The following GNG7 variants were observed in gnomAD, a reference collection of about 807,000 sequenced individuals.
GNG7 encodes the protein G protein subunit gamma 7.
GNG7 carries 1 observed loss-of-function variant against 4.0 expected under a neutral mutation model. That is an observed-to-expected ratio of 0.25 (90% CI 0.09 to 1.18). The LOEUF (loss-of-function observed/expected upper bound fraction) is 1.18, where lower values mean the gene tolerates loss of function less well. Among genes scored for constraint, GNG7 ranks in the 50% most tolerant of loss-of-function variants. The pLI, the probability that GNG7 is intolerant of heterozygous loss-of-function variation, is 0.50. For missense variants in GNG7, 86 were observed against 91.9 expected, an observed-to-expected ratio of 0.94 and a Z score of 0.26; for synonymous variants, 34 against 36.9, an observed-to-expected ratio of 0.92 and a Z score of 0.29.
intron 2 of GNG7, among the ~76,000 whole-genome samples, chr19:2,631,787 C>T (rs1982166129): frequency 6.6e-6 from 1 of 152,190 alleles, no homozygotes; most frequent in Non-Finnish European, 1.5e-5. Flanking sequence ...TTTATAAAAA[C>T]AGGAACTAGA....
At chr19:2,601,152 A>C (rs1481904338) in intron 2 of GNG7, among the ~76,000 whole-genome samples, 1 of 152,054 alleles carries the variant, frequency 6.6e-6, no homozygotes, top group African/African-American at 2.4e-5. Context: ...ATCTCCAAAA[A>C]CAAATTATTA....
intron 2 of GNG7, among the ~76,000 whole-genome samples, chr19:2,603,440 T>C (rs1981276705): frequency 6.6e-6 from 1 of 152,204 alleles, no homozygotes; most frequent in Admixed American, 6.5e-5. Flanking sequence ...CCCCGGAGCT[T>C]CTCGCATCGG....
chr19:2,673,860 G>C (rs1599455551), intron 1 of GNG7, among the ~76,000 whole-genome samples: 1 of 152,058 alleles, frequency 6.6e-6, no homozygotes, highest in African/African-American at 2.4e-5. Flanking sequence ...ACATACAATT[G>C]TGTATATTTC....
rs118101597 is a variant in GNG7 at position 2,654,589 on chromosome 19, G to C, written c.-134-8309C>G. Among the ~76,000 whole-genome samples the C allele has an allele frequency of 1.5e-3, 230 of 152,296 alleles. 3 individuals are homozygous for C. The East Asian group carries it at 0.038, about 25-fold the overall frequency. On this transcript the variant is annotated intron_variant, in intron 1 of 4. Transcript: ENST00000382159. ...ACTGTGTCCCATGATCCTCCCCCTT[G>C]CTGAGGTCCCAGGAGGCTGCACACA...
chr19:2,624,177 C>A (rs1230002014), intron 2 of GNG7, among the ~76,000 whole-genome samples: 2 of 152,000 alleles, frequency 1.3e-5, no homozygotes, highest in Non-Finnish European at 2.9e-5. Flanking sequence ...CTGAACTGAG[C>A]CCTTAGAAAT....
At chr19:2,604,118 A>G (rs1034670744) in intron 2 of GNG7, among the ~76,000 whole-genome samples, 2 of 151,664 alleles carry the variant, frequency 1.3e-5, no homozygotes, top group African/African-American at 2.4e-5. Flanking sequence ...CCAAAGTGCT[A>G]GGATTACAGG....
intron 3 of GNG7, among the ~76,000 whole-genome samples, chr19:2,526,220 T>A (rs1978390607): frequency 6.6e-6 from 1 of 151,746 alleles, no homozygotes; most frequent in African/African-American, 2.4e-5. Flanking sequence ...TCCGCCTGCC[T>A]CGGCCTCCCA....
At chr19:2,586,984 CAAAAA>C (rs756891397) in intron 2 of GNG7, among the ~76,000 whole-genome samples, 4 of 48,724 alleles carry the variant, frequency 8.2e-5, no homozygotes, top group Non-Finnish European at 7.9e-5. Context: ...GACTCCATCT[CAAAAA>C]AAAAAAAAAA....
intron 2 of GNG7, among the ~76,000 whole-genome samples, chr19:2,581,106 C>T (rs1599403645): frequency 6.6e-6 from 1 of 152,180 alleles, no homozygotes; most frequent in Admixed American, 6.5e-5. Flanking sequence ...CTTCTTCCCT[C>T]GTCTTCCCCT....
intron 2 of GNG7, among the ~76,000 whole-genome samples, chr19:2,592,173 G>C (rs1451370776): frequency 6.6e-6 from 1 of 152,124 alleles, no homozygotes; most frequent in East Asian, 1.9e-4. Flanking sequence ...AAGAAAAACT[G>C]TAAAGATCAG....
chr19:2,656,379 G>A (rs993100829), intron 1 of GNG7, among the ~76,000 whole-genome samples: 6 of 152,120 alleles, frequency 3.9e-5, no homozygotes, highest in African/African-American at 9.7e-5. Flanking sequence ...CAAGGCAGGC[G>A]GATCACAAGG....
intron 2 of GNG7, among the ~76,000 whole-genome samples, chr19:2,603,317 G>A (rs887495800): frequency 4.6e-5 from 7 of 152,294 alleles, no homozygotes; most frequent in Non-Finnish European, 7.4e-5. Flanking sequence ...CACCCGCCTC[G>A]GCCTCCCAAA....
rs1979298705 is a variant in GNG7 at position 2,550,963 on chromosome 19, A to C, written c.-38+4186T>G. On this transcript the variant is annotated intron_variant, in intron 3 of 4. Transcript: ENST00000382159. ...CAGGGGACTTAGCCAGGGCCCGACGAGAGCTGCCTGATGTCATTGCTGGAG... is the reference window on the plus strand; with the variant it reads ...CAGGGGACTTAGCCAGGGCCCGACGCGAGCTGCCTGATGTCATTGCTGGAG... Among the ~76,000 whole-genome samples the C allele has an allele frequency of 1.3e-5, 2 of 152,202 alleles. 1 individual carries two copies. Among genetic ancestry groups the C allele is most frequent in the South Asian group, 4.1e-4 (2 of 4,836 alleles).
intron 2 of GNG7, among the ~76,000 whole-genome samples, chr19:2,613,795 A>T (rs2144825256): frequency 6.6e-6 from 1 of 151,938 alleles, no homozygotes; most frequent in Non-Finnish European, 1.5e-5. Context: ...CAGACCCCAG[A>T]GGATCTAGCC....
At chr19:2,657,345 AAAAAAAAAAAAAAAAAATATATATATAT>A (rs1362515283) in intron 1 of GNG7, among the ~76,000 whole-genome samples, 9 of 18,234 alleles carry the variant, frequency 4.9e-4, no homozygotes, top group South Asian at 2.7e-3. Context: ...ATTAAAAAAA[AAAAAAAAAAAAAAAAAATATATATATAT>A]ATATATATAT....
intron 2 of GNG7, among the ~76,000 whole-genome samples, chr19:2,613,426 G>A (rs1056372265): frequency 8.5e-5 from 13 of 152,098 alleles, no homozygotes; most frequent in African/African-American, 2.4e-4. Flanking sequence ...ATCTGTCCCC[G>A]CTCCTGCTCA....
intron 1 of GNG7, among the ~76,000 whole-genome samples, chr19:2,691,551 AT>A (rs1252173987): frequency 2.0e-5 from 3 of 151,884 alleles, no homozygotes; most frequent in Non-Finnish European, 2.9e-5. Context: ...CTCAAAAAAA[AT>A]AAAAATTAAA....
At position 2,594,405 on chromosome 19, in the gene GNG7, G is replaced by GGGAAGGAAGGAAGGAAGGAAGGAAGGAA. The variant is rs36015482; in HGVS notation, c.-77-39245_-77-39218dup. Among the ~76,000 whole-genome samples the GGGAAGGAAGGAAGGAAGGAAGGAAGGAA allele has an allele frequency of 1.3e-4, 18 of 136,868 alleles. 1 individual carries two copies. The highest frequency in any genetic ancestry group is 4.6e-4 in the South Asian group (2 of 4,324). 89.8% of individuals were successfully genotyped at this position (136,868 alleles called of 152,430 possible). A position where few individuals can be genotyped will look rare whatever the true frequency, so the allele number is the denominator to read the frequency against. ...AAAGAAAGAAGGAAAGAAAGAAGGA[G>GGGAAGGAAGGAAGGAAGGAAGGAAGGAA]GGAAGGAAGGAAGGAAGGAAGGAAG... On this transcript the variant is annotated intron_variant, in intron 2 of 4. Transcript: ENST00000382159.
intron 1 of GNG7, among the ~76,000 whole-genome samples, chr19:2,659,000 C>T (rs747123390): frequency 1.0e-4 from 15 of 149,608 alleles, no homozygotes; most frequent in Non-Finnish European, 1.5e-4. Flanking sequence ...AATGGAGTCT[C>T]GCTCTGTCAC....
Sources: gnomAD v4.1 joint callset for allele counts (sites outside exome capture counted in the v4.1 genomes callset) on GRCh38, gnomAD v4.1.1 for gene constraint, MANE v1.5 for transcripts, NCBI Gene and HGNC (gene_info 2026-07-23, HGNC 2026-07-21) for gene names.